The following ABI2 variants were observed in gnomAD, a reference collection of about 807,000 sequenced individuals.
ABI2 encodes the protein abl interactor 2, also known as abelson interactor 2.
A neutral mutation model predicts 59.2 loss-of-function variants in ABI2; 25 were observed. That is an observed-to-expected ratio of 0.42 (90% CI 0.31 to 0.59). The LOEUF (loss-of-function observed/expected upper bound fraction) is 0.59. Among genes scored for constraint, ABI2 ranks in the 20% least tolerant of loss-of-function variants. The pLI is 0.14. For synonymous variants in ABI2, 213 were observed against 235.5 expected (o/e 0.90, Z 0.87); for missense variants, 545 against 681.8 (o/e 0.80, Z 2.23).
chr2:203,410,417 C>CT (rs568571350), intron 9 of ABI2, among the ~76,000 whole-genome samples: 38 of 151,964 alleles, frequency 2.5e-4, no homozygotes, highest in Admixed American at 1.2e-3. Context: ...TTTTTTCTTT[C>CT]TTTTTTTTGC....
At chr2:203,386,208 C>T (rs1029536439) in intron 4 of ABI2, among the ~76,000 whole-genome samples, 2 of 152,098 alleles carry the variant, frequency 1.3e-5, no homozygotes, top group African/African-American at 2.4e-5. Flanking sequence ...ACTGACCTCA[C>T]TTTTTTCCCA....
chr2:203,380,203 T>C lies in ABI2; in HGVS notation c.286-5T>C, dbSNP rs1344578988. 1 of 1,548,210 alleles carries C rather than the reference T, an allele frequency of 6.5e-7. No homozygotes were observed. ...TTGTGTTGTTTTTTACATTATATTT[T>C]GCAGACAGTTGATATTCATAAAGAG... On this transcript the variant is annotated splice_region_variant and splice_polypyrimidine_tract_variant and intron_variant, in intron 2 of 11. Transcript: ENST00000261018.
chr2:203,331,885 C>T (rs914125713), intron 1 of ABI2, among the ~76,000 whole-genome samples: 14 of 150,256 alleles, frequency 9.3e-5, no homozygotes, highest in Admixed American at 4.7e-4. Flanking sequence ...TCTCAGCTCA[C>T]TGCAACCTTC....
rs765379653 is a variant in ABI2, at chr2:203,328,568, C to T, written c.54C>T (p.Ala18=). The T allele has an allele frequency of 6.2e-7, 1 of 1,605,702 alleles. No homozygotes were observed. The highest frequency in any genetic ancestry group is 1.1e-5 in the South Asian group (1 of 90,544). Residue 18 remains alanine (A), a synonymous_variant, in exon 1 of 12, where the codon GCC becomes GCT. Coordinates refer to ENST00000261018, the MANE Select transcript of ABI2 (RefSeq NM_001375670.1). ...LEEEIPGGRR[A]LFDSYTNLER... is the part of the protein sequence containing the mutation. ...AGGAAATCCCGGGGGGCCGCCGGGC[C>T]CTCTTCGACAGCTACACAAATCTGG...
At chr2:203,416,644 A>G (rs2097906435) in intron 10 of ABI2, among the ~76,000 whole-genome samples, 1 of 152,194 alleles carries the variant, frequency 6.6e-6, no homozygotes, top group Non-Finnish European at 1.5e-5. Context: ...AACAGGTTCC[A>G]GAGGCTCAGT....
chr2:203,431,095 C>T lies in ABI2; in HGVS notation c.*3743C>T, dbSNP rs2098479976. The T allele has an allele frequency of 6.6e-6, 1 of 152,184 alleles. No individual in the cohort carries two copies. The highest frequency in any genetic ancestry group is 6.5e-5 in the Admixed American group (1 of 15,272). 9.4% of individuals were successfully genotyped at this position (152,184 alleles called of 1,614,324 possible). On this transcript the variant is annotated 3_prime_UTR_variant, in exon 12 of 12. Coordinates refer to ENST00000261018, the MANE Select transcript of ABI2 (RefSeq NM_001375670.1). ...AAGTCTTTGAAAAGAATGGGATCTG[C>T]TCACTTCTGGTCTTTTTGGCCGGGA...
chr2:203,372,883 G>A (rs1168643517), intron 2 of ABI2, among the ~76,000 whole-genome samples: 1 of 151,730 alleles, frequency 6.6e-6, no homozygotes, highest in Non-Finnish European at 1.5e-5. Flanking sequence ...GGGCAGAGGC[G>A]CTCCCCACAT....
In ABI2 at chr2:203,358,071, T is replaced by TTGTGTGTGTGTG. The variant is rs71007506; in HGVS notation, c.118-8774_118-8763dup. Reference sequence around the variant, plus strand: ...CCATGAGCCACTGTGCCTGGCCTGTTTGTGTGTGTGTGTGTGTGTGTGTGT... The same window carrying TTGTGTGTGTGTG: ...CCATGAGCCACTGTGCCTGGCCTGTTTGTGTGTGTGTGTGTGTGTGTGTGTGTGTGTGTGTGT... On this transcript the variant is annotated intron_variant, in intron 1 of 11. Transcript: ENST00000261018. 6.4e-3 allele frequency among the ~76,000 whole-genome samples: 821 copies of TTGTGTGTGTGTG among 128,808 alleles called. 4 individuals carry two copies. The highest frequency in any genetic ancestry group is 0.023 in the East Asian group (94 of 4,142). The allele number at this position is 128,808 out of a possible 152,430, so 84.5% of individuals were successfully genotyped here. A position where few individuals can be genotyped will look rare whatever the true frequency, so the allele number is the denominator to read the frequency against.
chr2:203,388,099 T>C (rs1051863808), intron 4 of ABI2, among the ~76,000 whole-genome samples: 1 of 152,226 alleles, frequency 6.6e-6, no homozygotes, highest in Non-Finnish European at 1.5e-5. Flanking sequence ...TTATTTCTGT[T>C]CTTCCTTTTC....
At chr2:203,393,541 T>C (rs1393945547) in intron 5 of ABI2, among the ~76,000 whole-genome samples, 1 of 152,242 alleles carries the variant, frequency 6.6e-6, no homozygotes, top group Non-Finnish European at 1.5e-5. Flanking sequence ...TTTCATCCAG[T>C]GTCCCTTATT....
chr2:203,426,145 A>G (rs909585511), intron 11 of ABI2, among the ~76,000 whole-genome samples: 1 of 152,138 alleles, frequency 6.6e-6, no homozygotes, highest in Middle Eastern at 3.2e-3. Context: ...AGGGCACATT[A>G]TATCAGAAGT....
At chr2:203,425,894 C>A (rs988846690) in intron 11 of ABI2, among the ~76,000 whole-genome samples, 1 of 151,512 alleles carries the variant, frequency 6.6e-6, no homozygotes, top group East Asian at 1.9e-4. Context: ...TGGTGGTGGG[C>A]GCCTGTAATC....
chr2:203,328,487 TGAGGAG>T lies in ABI2; in HGVS notation c.-13_-8del, dbSNP rs769025104. 1.8e-5 allele frequency: 28 copies of T among 1,514,774 alleles called. No homozygotes were observed. Among genetic ancestry groups the T allele is most frequent in the Middle Eastern group, 3.5e-4 (2 of 5,752 alleles). The allele number at this position is 1,514,774 out of a possible 1,614,324, so 93.8% of individuals were successfully genotyped here. ...GCCGCCGCTCCCTCTGCGACCTGTA[TGAGGAG>T]GAGGAGGAGGAGGATGTGAAGATGG... is the stretch of plus-strand genomic sequence containing the variant. On this transcript the variant is annotated 5_prime_UTR_variant, in exon 1 of 12. The change creates a new upstream start codon in the 5' untranslated region. Coordinates refer to ENST00000261018, the MANE Select transcript of ABI2 (RefSeq NM_001375670.1).
chr2:203,372,831 G>A (rs1169378953), intron 2 of ABI2, among the ~76,000 whole-genome samples: 1 of 151,928 alleles, frequency 6.6e-6, no homozygotes, highest in Admixed American at 6.6e-5. Flanking sequence ...CCTCCCAGAC[G>A]GGGTCGCGGC....
Position 203,382,181 on chromosome 2 carries a change from G to A in ABI2, c.463-8G>A. 1 of 1,524,940 alleles carries A rather than the reference G, an allele frequency of 6.6e-7. No homozygotes were observed. The highest frequency in any genetic ancestry group is 8.8e-7 in the Non-Finnish European group (1 of 1,141,698). The allele number at this position is 1,524,940 out of a possible 1,614,324, so 94.5% of individuals were successfully genotyped here. A position where few individuals can be genotyped will look rare whatever the true frequency, so the allele number is the denominator to read the frequency against. ...TACCTCTTTTATTTGCTCCATTTAT[G>A]CATTAAGTGGTTGCTTAGATTTAAG... On this transcript the variant is annotated splice_polypyrimidine_tract_variant and splice_region_variant and intron_variant, in intron 3 of 11. Coordinates refer to ENST00000261018, the MANE Select transcript of ABI2 (RefSeq NM_001375670.1).
chr2:203,377,979 T>A, intron 2 of ABI2, among the ~76,000 whole-genome samples: 1 of 152,196 alleles, frequency 6.6e-6, no homozygotes, highest in Non-Finnish European at 1.5e-5. Flanking sequence ...AATTCCAATA[T>A]CATCACTAAT....
intron 2 of ABI2, among the ~76,000 whole-genome samples, chr2:203,376,725 G>A (rs200523699): frequency 1.5e-5 from 2 of 131,650 alleles, no homozygotes; most frequent in East Asian, 4.3e-4. Context: ...TTACTGTATT[G>A]GTCTTCCCTT....
At chr2:203,378,901 A>G (rs1276045894) in intron 2 of ABI2, among the ~76,000 whole-genome samples, 1 of 152,118 alleles carries the variant, frequency 6.6e-6, no homozygotes, top group Non-Finnish European at 1.5e-5. Context: ...ATATATTTAT[A>G]TATATAATAA....
At chr2:203,397,173 G>A (rs1010478539) in intron 8 of ABI2, among the ~76,000 whole-genome samples, 1 of 152,018 alleles carries the variant, frequency 6.6e-6, no homozygotes, top group Admixed American at 6.5e-5. Context: ...TTTCCAATAG[G>A]GTAGCATAAA....
Sources: gnomAD v4.1 joint callset for allele counts (sites outside exome capture counted in the v4.1 genomes callset) on GRCh38, gnomAD v4.1.1 for gene constraint, MANE v1.5 for transcripts, NCBI Gene and HGNC (gene_info 2026-07-23, HGNC 2026-07-21) for gene names.